MON2: variants seen among roughly 807,000 people sequenced by gnomAD.
MON2 encodes the protein protein MON2 homolog.
A neutral mutation model predicts 208.6 loss-of-function variants in MON2; 84 were observed. That is an observed-to-expected ratio of 0.40 (90% CI 0.34 to 0.48). The LOEUF (loss-of-function observed/expected upper bound fraction) is 0.48. MON2 is among the 20% of genes least tolerant of loss of function. MON2 has a pLI of 0.59. For missense variants in MON2, 1,611 were observed against 2,015.4 expected (o/e 0.80, Z 3.84); for synonymous variants, 660 against 694.0 (o/e 0.95, Z 0.77).
chr12:62,506,685 CA>C (rs1319533024), intron 7 of MON2, among the ~76,000 whole-genome samples: 3 of 150,218 alleles, frequency 2.0e-5, no homozygotes, highest in African/African-American at 7.4e-5. Flanking sequence ...GAGATTGTAC[CA>C]TTGCACTCCA....
rs1260106810 is a variant in MON2 at position 62,539,974 on chromosome 12, A to G, written c.2364+1469A>G. On this transcript the variant is annotated intron_variant, in intron 19 of 34. Coordinates refer to ENST00000393630, the MANE Select transcript of MON2 (RefSeq NM_015026.3). ...ACAGAGCAAGACTCTGTCTCAAGAAAAAAAGAAAATATATATTATAGTTTG... is the reference window on the plus strand; with the variant it reads ...ACAGAGCAAGACTCTGTCTCAAGAAGAAAAGAAAATATATATTATAGTTTG... Among the ~76,000 whole-genome samples the G allele has an allele frequency of 3.3e-5, 5 of 152,284 alleles. 1 individual carries two copies. The highest frequency in any genetic ancestry group is 3.3e-4 in the Admixed American group (5 of 15,300).
At chr12:62,519,839 G>A (rs931580128) in intron 8 of MON2, among the ~76,000 whole-genome samples, 1 of 152,160 alleles carries the variant, frequency 6.6e-6, no homozygotes, top group African/African-American at 2.4e-5. Context: ...TTCTTGAGAC[G>A]GAGTCTCGCT....
At chr12:62,545,186 T>A (rs370849614) in intron 21 of MON2, among the ~76,000 whole-genome samples, 178 bp downstream of exon 21, 2 of 152,134 alleles carry the variant, frequency 1.3e-5, no homozygotes, top group East Asian at 3.9e-4. Flanking sequence ...AGGGCTGTTT[T>A]CATAAAAAAT....
At chr12:62,502,188 C>T (rs1592889369) in intron 7 of MON2, among the ~76,000 whole-genome samples, 1 of 152,066 alleles carries the variant, frequency 6.6e-6, no homozygotes, top group Admixed American at 6.5e-5. Context: ...TCACTTCACT[C>T]CAGCCTAGGC....
At chr12:62,591,219 T>G (rs1488929339) in intron 34 of MON2, among the ~76,000 whole-genome samples, 1 of 152,170 alleles carries the variant, frequency 6.6e-6, no homozygotes, top group African/African-American at 2.4e-5. Context: ...AGCAGCAAAA[T>G]TCTTTTTACA....
intron 10 of MON2, 101 bp downstream of exon 10, chr12:62,525,321 G>A: frequency 7.8e-7 from 1 of 1,285,908 alleles, no homozygotes; most frequent in Non-Finnish European, 1.1e-6. Context: ...AGAGAAATTT[G>A]GGTTACCTAA....
chr12:62,489,851 T>G (rs1018540690), intron 2 of MON2, among the ~76,000 whole-genome samples: 4 of 152,134 alleles, frequency 2.6e-5, no homozygotes, highest in Non-Finnish European at 5.9e-5. Context: ...GTTAGGAATG[T>G]CAGTCTTCCC....
intron 13 of MON2, among the ~76,000 whole-genome samples, chr12:62,535,249 G>C (rs926550431): frequency 6.6e-6 from 1 of 151,808 alleles, no homozygotes; most frequent in South Asian, 2.1e-4. Context: ...AAATTTACTG[G>C]TTTCAAAATG....
chr12:62,547,939 G>A (rs973267935), intron 22 of MON2, among the ~76,000 whole-genome samples: 3 of 152,054 alleles, frequency 2.0e-5, no homozygotes, highest in African/African-American at 4.8e-5. Flanking sequence ...CAGAATCGCC[G>A]AATGACACAT....
chr12:62,490,535 G>T (rs1039884428), intron 2 of MON2, among the ~76,000 whole-genome samples: 2 of 151,986 alleles, frequency 1.3e-5, no homozygotes, highest in Non-Finnish European at 2.9e-5. Flanking sequence ...GGAAGAGCAA[G>T]AATAATTTAT....
chr12:62,466,851 C>T lies in MON2; in HGVS notation c.-357C>T, dbSNP rs922750830. On this transcript the variant is annotated 5_prime_UTR_variant, in exon 1 of 35. Transcript: ENST00000393630. ...GACTCGGCTAATGGCGTCGGCGAGT[C>T]TTAGGGGCCTGGGGAGCTGGCGCTG... 3 of 425,760 alleles carry T rather than the reference C, an allele frequency of 7.0e-6. No homozygotes were observed. Among genetic ancestry groups the T allele is most frequent in the Non-Finnish European group, 1.2e-5 (3 of 240,588 alleles). 26.4% of individuals were successfully genotyped at this position (425,760 alleles called of 1,614,324 possible).
intron 8 of MON2, among the ~76,000 whole-genome samples, chr12:62,517,961 C>T (rs61919480): frequency 2.6e-5 from 4 of 152,078 alleles, no homozygotes; most frequent in Non-Finnish European, 4.4e-5. Context: ...TGTCTTAGTT[C>T]GGGCTGTTAT....
chr12:62,514,506 A>G (rs1296549212), intron 8 of MON2, among the ~76,000 whole-genome samples: 1 of 152,242 alleles, frequency 6.6e-6, no homozygotes, highest in Non-Finnish European at 1.5e-5. Context: ...AGACACAAGA[A>G]GAGAGCTTTT....
chr12:62,551,045 A>G (rs990771567), intron 23 of MON2, among the ~76,000 whole-genome samples: 2 of 148,562 alleles, frequency 1.3e-5, no homozygotes, highest in Admixed American at 6.8e-5. Context: ...TCAGCCTCCC[A>G]TGTAGCTGGA....
At chr12:62,523,369 G>T (rs1200484196) in intron 8 of MON2, among the ~76,000 whole-genome samples, 1 of 152,124 alleles carries the variant, frequency 6.6e-6, no homozygotes, top group Non-Finnish European at 1.5e-5. Flanking sequence ...AACCATGCTT[G>T]TCCTTACGCA....
intron 32 of MON2, among the ~76,000 whole-genome samples, chr12:62,582,847 G>A (rs1377055198): frequency 6.6e-6 from 1 of 152,116 alleles, no homozygotes; most frequent in Admixed American, 6.6e-5. Context: ...AGTATGATCT[G>A]ATAGTCAGAG....
intron 24 of MON2, 138 bp from the exon 25 acceptor site, chr12:62,555,856 C>G (rs920499387): frequency 1.6e-6 from 1 of 630,558 alleles, no homozygotes; most frequent in South Asian, 2.1e-5. Flanking sequence ...TGGTCAGTTT[C>G]CTCCAATATA....
chr12:62,511,661 A>G (rs930038590), intron 8 of MON2, among the ~76,000 whole-genome samples: 4 of 152,228 alleles, frequency 2.6e-5, no homozygotes, highest in Middle Eastern at 3.2e-3. Flanking sequence ...AAAAATTCCT[A>G]AAAGAAAACA....
At chr12:62,566,263 A>C (rs1471234453) in intron 28 of MON2, 59 bp from the exon 29 acceptor site, 1 of 1,565,494 alleles carries the variant, frequency 6.4e-7, no homozygotes, top group South Asian at 1.2e-5. Flanking sequence ...CTTTGAAAAC[A>C]ATATGATTAA....
Sources: gnomAD v4.1 joint callset for allele counts (sites outside exome capture counted in the v4.1 genomes callset) on GRCh38, gnomAD v4.1.1 for gene constraint, MANE v1.5 for transcripts, NCBI Gene and HGNC (gene_info 2026-07-23, HGNC 2026-07-21) for gene names.